The following PDCD11 variants were observed in gnomAD, a reference collection of about 807,000 sequenced individuals.
PDCD11 encodes programmed cell death 11.
In PDCD11, 97 loss-of-function variants were observed where a neutral mutation model predicts 198.9. The observed-to-expected ratio is 0.49, with a 90% CI of 0.41 to 0.58. The LOEUF is 0.58. Ranked by LOEUF, PDCD11 falls within the 20% of genes least tolerant of loss-of-function variation. The pLI is 0.00. For synonymous variants in PDCD11, 893 were observed against 918.0 expected (o/e 0.97, Z 0.49); for missense variants, 2,102 against 2,312.7 (o/e 0.91, Z 1.87).
Position 103,414,289 on chromosome 10 carries a change from T to G in PDCD11, c.1330T>G (p.Tyr444Asp). ...SLRTSIIEAQ[Y>D]LRYHDIEPGA... is the part of the protein sequence containing the mutation. ...TCCTAGGTCTATTATTGAAGCTCAG[T>G]ACCTTAGATATCATGACATCGAACC... Residue 444 changes from tyrosine (Y) to aspartate (D), a missense_variant, in exon 11 of 36, where the codon TAC becomes GAC. Physicochemically the swap from Tyr to Asp is radical, Grantham distance 160 (BLOSUM62 -3). Coordinates refer to ENST00000369797, the MANE Select transcript of PDCD11 (RefSeq NM_014976.2). 1.2e-6 allele frequency: 2 copies of G among 1,613,724 alleles called. No homozygotes were observed. Among genetic ancestry groups the G allele is most frequent in the Non-Finnish European group, 1.7e-6 (2 of 1,179,620 alleles).
intron 10 of PDCD11, 28 bp downstream of exon 10, chr10:103,414,118 G>A (rs1229174722): frequency 1.2e-6 from 2 of 1,600,962 alleles, no homozygotes; most frequent in South Asian, 1.1e-5. Context: ...AGGTAGGGGT[G>A]TAGAGATGTG....
At chr10:103,422,936 A>G in intron 17 of PDCD11, 52 bp from the exon 18 acceptor site, 1 of 1,386,032 alleles carries the variant, frequency 7.2e-7, no homozygotes, top group Non-Finnish European at 9.5e-7. Context: ...GGAAAAGAAC[A>G]GTGAGAGTTC....
At chr10:103,399,368 G>T (rs908434064) in intron 2 of PDCD11, among the ~76,000 whole-genome samples, 1 of 151,910 alleles carries the variant, frequency 6.6e-6, no homozygotes, top group Non-Finnish European at 1.5e-5. Context: ...TGTTATTTTT[G>T]TTGTTGTTTT....
rs577700874 is a variant in PDCD11 at position 103,425,235 on chromosome 10, G to A, written c.3015G>A (p.Pro1005=). The A allele has an allele frequency of 6.6e-5, 107 of 1,614,120 alleles. 3 individuals are homozygous for A. In the South Asian group the frequency reaches 9.9e-4, roughly 15 times the overall value. Residue 1005 remains proline, a synonymous_variant, in exon 20 of 36, where the codon CCG becomes CCA. Coordinates refer to ENST00000369797, the MANE Select transcript of PDCD11 (RefSeq NM_014976.2). Reference sequence around the variant, plus strand: ...CGGCTGCCAAGAGGACCATGAGGCCGACCCAGAAGGACTCTGAGACAGTTG... The same window carrying A: ...CGGCTGCCAAGAGGACCATGAGGCCAACCCAGAAGGACTCTGAGACAGTTG... ...EGPAAKRTMR[P]TQKDSETVDE...
At chr10:103,403,957 C>T (rs1281477084) in intron 4 of PDCD11, among the ~76,000 whole-genome samples, 1 of 152,148 alleles carries the variant, frequency 6.6e-6, no homozygotes, top group African/African-American at 2.4e-5. Flanking sequence ...AGATAGGAAA[C>T]CCTGAAGGGG....
intron 19 of PDCD11, 39 bp downstream of exon 19, chr10:103,423,697 T>A: frequency 1.5e-6 from 2 of 1,331,254 alleles, no homozygotes; most frequent in Non-Finnish European, 2.2e-6. Flanking sequence ...TGGTTTCACA[T>A]GATGTACCCT....
intron 7 of PDCD11, among the ~76,000 whole-genome samples, chr10:103,407,545 T>G (rs2030533890): frequency 6.6e-6 from 1 of 151,984 alleles, no homozygotes; most frequent in African/African-American, 2.4e-5. Flanking sequence ...CCTGGGCGAC[T>G]GTGCGAGACT....
intron 17 of PDCD11, among the ~76,000 whole-genome samples, chr10:103,422,203 C>T (rs2133714325): frequency 6.6e-6 from 1 of 151,142 alleles, no homozygotes; most frequent in African/African-American, 2.4e-5. Flanking sequence ...TCCTCAGCCT[C>T]CGGAGTAGCT....
intron 9 of PDCD11, 85 bp from the exon 10 acceptor site, chr10:103,413,881 G>C (rs1310956238): frequency 7.7e-7 from 1 of 1,307,178 alleles, no homozygotes; most frequent in East Asian, 2.4e-5. Flanking sequence ...CATGATAAGT[G>C]TTGAGTCCTC....
intron 16 of PDCD11, 23 bp downstream of exon 16, chr10:103,419,731 G>A: frequency 6.2e-7 from 1 of 1,609,464 alleles, no homozygotes; most frequent in South Asian, 1.1e-5. Flanking sequence ...CCATGTACAA[G>A]GGCTTTGAGG....
At position 103,421,484 on chromosome 10, in the gene PDCD11, G is replaced by C. The variant is rs746988664; in HGVS notation, c.2414G>C (p.Gly805Ala). ...CTGCGGCTGTCGGACTGTGGTCTGGGGGACTTGGCTATCACCAGCCTCCTC... is the reference window on the plus strand; with the variant it reads ...CTGCGGCTGTCGGACTGTGGTCTGGCGGACTTGGCTATCACCAGCCTCCTC... Reference protein sequence around the residue: ...LSLRLSDCGLGDLAITSLLLL... With the variant: ...LSLRLSDCGLADLAITSLLLL... Residue 805 changes from glycine to alanine, a missense_variant, in exon 17 of 36, where the codon GGG becomes GCG. Physicochemically the swap from Gly to Ala is moderately conservative, Grantham distance 60. Coordinates refer to ENST00000369797, the MANE Select transcript of PDCD11 (RefSeq NM_014976.2). 4 of 1,598,344 alleles carry C rather than the reference G, an allele frequency of 2.5e-6. No individual in the cohort carries two copies. Among genetic ancestry groups the C allele is most frequent in the Non-Finnish European group, 3.4e-6 (4 of 1,172,396 alleles).
intron 30 of PDCD11, among the ~76,000 whole-genome samples, chr10:103,441,358 A>G (rs758062993): frequency 2.6e-5 from 4 of 152,156 alleles, no homozygotes; most frequent in Non-Finnish European, 4.4e-5. Context: ...TCCAGGTTCA[A>G]GCAATTCTCA....
At chr10:103,435,824 A>G (rs1321648663) in intron 25 of PDCD11, among the ~76,000 whole-genome samples, 4 of 152,086 alleles carry the variant, frequency 2.6e-5, no homozygotes, top group African/African-American at 9.7e-5. Context: ...TTTTGCATAT[A>G]TTTGGATACT....
rs775288755 is a variant in PDCD11 at position 103,441,935 on chromosome 10, G to T, written c.4667G>T (p.Ser1556Ile). Residue 1556 changes from serine (S) to isoleucine (I), a missense_variant, in exon 31 of 36, where the codon AGC (serine) becomes ATC (isoleucine). Ser to Ile is a moderately radical substitution (Grantham distance 142). Transcript: ENST00000369797. ...CCGGCCTTGCCACCTCTAGCAGAGA[G>T]CTCAGACAGCGAGGAGGATGAGAAG... ...LTPALPPLAE[S>I]SDSEEDEKPH... The T allele has an allele frequency of 1.2e-6, 2 of 1,614,270 alleles. No homozygotes were observed. The highest frequency in any genetic ancestry group is 8.5e-7 in the Non-Finnish European group (1 of 1,180,056).
intron 16 of PDCD11, among the ~76,000 whole-genome samples, chr10:103,420,438 C>A (rs527328845): frequency 6.6e-6 from 1 of 152,298 alleles, no homozygotes; most frequent in East Asian, 1.9e-4. Flanking sequence ...CTCCCCCACC[C>A]CCATGTCATT....
intron 21 of PDCD11, 26 bp downstream of exon 21, chr10:103,427,417 C>G: frequency 6.3e-7 from 1 of 1,585,240 alleles, no homozygotes; most frequent in Non-Finnish European, 8.6e-7. Context: ...GCAGCACTGT[C>G]TTACGGAAAG....
chr10:103,416,841 G>A (rs1471644801), intron 13 of PDCD11, 99 bp downstream of exon 13: 1 of 1,359,724 alleles, frequency 7.4e-7, no homozygotes, highest in Non-Finnish European at 1.0e-6. Flanking sequence ...AGGAGGCTGA[G>A]GAAGAGAGCA....
rs936734556 is a variant in PDCD11, at chr10:103,434,454, A to G, written c.3667+104A>G. 2.2e-5 allele frequency: 17 copies of G among 759,854 alleles called. No homozygotes were observed. The African/African-American group carries it at 3.0e-4, about 13-fold the overall frequency. The allele number at this position is 759,854 out of a possible 1,614,324, so 47.1% of individuals were successfully genotyped here. A position where few individuals can be genotyped will look rare whatever the true frequency, so the allele number is the denominator to read the frequency against. On this transcript the variant is annotated intron_variant, in intron 24 of 35. Coordinates refer to ENST00000369797, the MANE Select transcript of PDCD11 (RefSeq NM_014976.2). ...GTTGGAGGACCCCTTCGGTATTGGA[A>G]TCCTCAGAAAGCCTGGTGTGGGACC...
chr10:103,432,908 T>A (rs2031996334), intron 22 of PDCD11, among the ~76,000 whole-genome samples: 1 of 152,246 alleles, frequency 6.6e-6, no homozygotes, highest in South Asian at 2.1e-4. Context: ...TTCTGTCTTT[T>A]TCCCTTCCTG....
Sources: gnomAD v4.1 joint callset for allele counts (sites outside exome capture counted in the v4.1 genomes callset) on GRCh38, gnomAD v4.1.1 for gene constraint, MANE v1.5 for transcripts, NCBI Gene and HGNC (gene_info 2026-07-23, HGNC 2026-07-21) for gene names.